The following CYP4X1 variants were observed in gnomAD, a reference collection of about 807,000 sequenced individuals.
CYP4X1 encodes the protein cytochrome P450 4X1.
A neutral mutation model predicts 57.9 loss-of-function variants in CYP4X1; 44 were observed. The ratio of observed to expected loss-of-function variants is 0.76; its 90% confidence interval spans 0.60 to 0.98. The LOEUF (loss-of-function observed/expected upper bound fraction) is 0.98. Among genes scored for constraint, CYP4X1 ranks in the 50% least tolerant of loss-of-function variants. The pLI is 0.00. For missense variants in CYP4X1, 532 were observed against 623.9 expected, an observed-to-expected ratio of 0.85 and a Z score of 1.57; for synonymous variants, 227 against 228.6, an observed-to-expected ratio of 0.99 and a Z score of 0.06.
chr1:47,008,068 G>A, the CYP4X1 span, among the ~76,000 whole-genome samples: 3 of 152,138 alleles, frequency 2.0e-5, no homozygotes, highest in African/African-American at 4.8e-5. Flanking sequence ...AGGAAATACA[G>A]AGAATGCCAC....
chr1:47,011,071 G>T, the CYP4X1 span, among the ~76,000 whole-genome samples: 1 of 152,046 alleles, frequency 6.6e-6, no homozygotes, highest in South Asian at 2.1e-4. Context: ...AAAGTTCATA[G>T]AGAACCAAAA....
chr1:46,989,286 A>G, the CYP4X1 span, among the ~76,000 whole-genome samples: 1 of 152,206 alleles, frequency 6.6e-6, no homozygotes, highest in Admixed American at 6.5e-5. Context: ...TCATGAGTGA[A>G]CACACATTCA....
At chr1:47,001,011 C>A in the CYP4X1 span, 1 of 221,672 alleles carries the variant, frequency 4.5e-6, no homozygotes. Flanking sequence ...GATCAGAAAA[C>A]AGCTTAAAGT....
chr1:46,979,142 A>G, the CYP4X1 span, among the ~76,000 whole-genome samples: 14 of 152,180 alleles, frequency 9.2e-5, no homozygotes, highest in Admixed American at 5.9e-4. Flanking sequence ...GAACTGAAGG[A>G]GATAGAGACA....
chr1:46,965,832 G>C, the CYP4X1 span, among the ~76,000 whole-genome samples: 1 of 152,222 alleles, frequency 6.6e-6, no homozygotes, highest in African/African-American at 2.4e-5. Flanking sequence ...CCATGGAGAT[G>C]ATGGCCACGC....
the CYP4X1 span, among the ~76,000 whole-genome samples, chr1:47,016,401 G>T: frequency 1.3e-5 from 2 of 151,422 alleles, no homozygotes; most frequent in Non-Finnish European, 2.9e-5. Flanking sequence ...CAGTGCAGTG[G>T]CGCTATCTTG....
the CYP4X1 span, among the ~76,000 whole-genome samples, chr1:46,993,722 T>C: frequency 6.6e-6 from 1 of 152,270 alleles, no homozygotes; most frequent in East Asian, 1.9e-4. Flanking sequence ...GCTGCATAAA[T>C]GTCTTCTTTT....
At chr1:46,964,931 G>T in the CYP4X1 span, among the ~76,000 whole-genome samples, 1 of 152,138 alleles carries the variant, frequency 6.6e-6, no homozygotes, top group Non-Finnish European at 1.5e-5. Context: ...CTCAAGCCTC[G>T]GCAATGGTGG....
At chr1:47,012,646 A>G in the CYP4X1 span, among the ~76,000 whole-genome samples, 2 of 152,368 alleles carry the variant, frequency 1.3e-5, no homozygotes, top group East Asian at 3.9e-4. Flanking sequence ...TACACATGCC[A>G]GTCCCTTTGC....
the CYP4X1 span, among the ~76,000 whole-genome samples, chr1:46,988,098 C>G: frequency 6.6e-6 from 1 of 152,018 alleles, no homozygotes; most frequent in Non-Finnish European, 1.5e-5. Flanking sequence ...AATCCAGGAG[C>G]TGGGTTTTTG....
chr1:47,012,273 C>A, the CYP4X1 span, among the ~76,000 whole-genome samples: 101 of 152,150 alleles, frequency 6.6e-4, 1 homozygote, highest in Non-Finnish European at 2.4e-4. Flanking sequence ...ACGGATGAAG[C>A]TGGAAACCAG....
At chr1:46,970,148 C>A in the CYP4X1 span, among the ~76,000 whole-genome samples, 1 of 152,156 alleles carries the variant, frequency 6.6e-6, no homozygotes, top group East Asian at 1.9e-4. Flanking sequence ...AGAGAGAAAT[C>A]AACTCCTTAA....
the CYP4X1 span, among the ~76,000 whole-genome samples, chr1:47,001,650 C>G: frequency 6.6e-6 from 1 of 152,226 alleles, no homozygotes; most frequent in Non-Finnish European, 1.5e-5. Context: ...CCAATAGCAC[C>G]TGTAGCTTTC....
intron 8 of CYP4X1, among the ~76,000 whole-genome samples, chr1:47,043,256 CT>C (rs2148514049): frequency 6.6e-6 from 1 of 152,166 alleles, no homozygotes; most frequent in Admixed American, 6.5e-5. Context: ...TGTACATCTT[CT>C]TTTGAGAATT....
the CYP4X1 span, among the ~76,000 whole-genome samples, chr1:46,985,132 C>T: frequency 6.6e-6 from 1 of 152,152 alleles, no homozygotes. Context: ...CTCAGCAAAG[C>T]CACTGTAGCC....
At chr1:46,982,095 C>A in the CYP4X1 span, among the ~76,000 whole-genome samples, 1 of 151,992 alleles carries the variant, frequency 6.6e-6, no homozygotes, top group African/African-American at 2.4e-5. Context: ...CAAACCTGAA[C>A]TTTGTGCACA....
chr1:47,017,951 A>C, the CYP4X1 span, among the ~76,000 whole-genome samples: 4 of 152,168 alleles, frequency 2.6e-5, no homozygotes, highest in African/African-American at 9.7e-5. Context: ...TGGCAAAATA[A>C]ACTTTCTAAA....
At chr1:46,987,432 G>T in the CYP4X1 span, among the ~76,000 whole-genome samples, 1 of 152,018 alleles carries the variant, frequency 6.6e-6, no homozygotes, top group Non-Finnish European at 1.5e-5. Context: ...TACAATAATA[G>T]TGAGAGACTT....
the CYP4X1 span, among the ~76,000 whole-genome samples, chr1:46,985,775 C>T: frequency 1.8e-4 from 28 of 152,146 alleles, no homozygotes; most frequent in African/African-American, 3.4e-4. Flanking sequence ...GCAGCAGAGA[C>T]GCTTTACTGT....
Sources: gnomAD v4.1 joint callset for allele counts (sites outside exome capture counted in the v4.1 genomes callset) on GRCh38, gnomAD v4.1.1 for gene constraint, MANE v1.5 for transcripts, NCBI Gene and HGNC (gene_info 2026-07-23, HGNC 2026-07-21) for gene names.